Variants in GTF3C1 observed in about 807,000 individuals in gnomAD.
The protein encoded by GTF3C1 is general transcription factor 3C polypeptide 1.
Under a neutral mutation model 226.7 loss-of-function variants are expected in GTF3C1, and 57 were observed. That is an observed-to-expected ratio of 0.25 (90% confidence interval 0.20 to 0.31). GTF3C1 has a LOEUF of 0.31. Among genes scored for constraint, GTF3C1 ranks in the 10% least tolerant of loss-of-function variants. The pLI is 1.00. For missense variants in GTF3C1, 2,217 were observed against 2,776.1 expected (o/e 0.80, Z 4.53); for synonymous variants, 1,090 against 1,084.8 (o/e 1.00, Z -0.09).
chr16:27,473,712 T>A lies in GTF3C1; in HGVS notation c.4354-1792A>T, dbSNP rs768350139. On this transcript the variant is annotated intron_variant, in intron 29 of 36. Coordinates refer to ENST00000356183, the MANE Select transcript of GTF3C1 (RefSeq NM_001520.4). ...GGGCTCTGGGGCAGCACCCAGGTGT[T>A]CCCTGGAGCGTATCTGAATGAAGCC... 2.6e-5 allele frequency among the ~76,000 whole-genome samples: 4 copies of A among 152,300 alleles called. No individual in the cohort carries two copies. The East Asian group carries it at 7.7e-4, about 29-fold the overall frequency.
intron 29 of GTF3C1, among the ~76,000 whole-genome samples, chr16:27,476,208 G>A (rs574264198): frequency 1.8e-4 from 28 of 152,290 alleles, no homozygotes; most frequent in African/African-American, 5.8e-4. Flanking sequence ...TGACTGTGAC[G>A]ATTATTCTGC....
In GTF3C1 at chr16:27,549,882, C is replaced by T. The variant is rs748982012; in HGVS notation, c.9G>A (p.Ala3=). 9.9e-6 allele frequency: 16 copies of T among 1,611,178 alleles called. No homozygotes were observed. The highest frequency in any genetic ancestry group is 3.3e-5 in the South Asian group (3 of 91,028). The change falls in exon 1 of 37, where the codon GCG becomes GCA. Residue 3 remains alanine, a synonymous_variant. Coordinates refer to ENST00000356183, the MANE Select transcript of GTF3C1 (RefSeq NM_001520.4). The part of the protein sequence containing the change: MD[A]LESLLDEVAL... ...CGACTTCGTCCAACAACGACTCCAG[C>T]GCGTCCATTGCTACTTCAGTCGGCG... is the stretch of plus-strand genomic sequence containing the variant.
intron 6 of GTF3C1, among the ~76,000 whole-genome samples, chr16:27,523,463 T>C (rs1267914342): frequency 6.6e-6 from 1 of 152,032 alleles, no homozygotes; most frequent in African/African-American, 2.4e-5. Flanking sequence ...GAGCTTTGTC[T>C]CCTCCATAAT....
At position 27,545,313 on chromosome 16, in the gene GTF3C1, C is replaced by A. The variant is rs763606019; in HGVS notation, c.431+1G>T. 1 of 1,606,436 alleles carries A rather than the reference C, an allele frequency of 6.2e-7. No individual in the cohort carries two copies. Among genetic ancestry groups the A allele is most frequent in the Non-Finnish European group, 8.5e-7 (1 of 1,173,006 alleles). ...AATTTCTGATGGTGCAAAATAGTTA[C>A]CTGTCAAAGGCTTCCACCATTGTAC... On this transcript the variant is annotated splice_donor_variant, in intron 2 of 36. Transcript: ENST00000356183. LOFTEE classifies it high-confidence loss of function.
At chr16:27,524,191 G>A (rs543606162) in intron 6 of GTF3C1, among the ~76,000 whole-genome samples, 6 of 152,330 alleles carry the variant, frequency 3.9e-5, no homozygotes, top group African/African-American at 1.4e-4. Flanking sequence ...GAGCCCCTCC[G>A]AAATGGGGCA....
chr16:27,462,880 G>C lies in GTF3C1; in HGVS notation c.5925-394C>G. The C allele has an allele frequency of 4.5e-6, 1 of 219,856 alleles. No individual in the cohort carries two copies. Among genetic ancestry groups the C allele is most frequent in the Non-Finnish European group, 9.1e-6 (1 of 110,092 alleles). The allele number at this position is 219,856 out of a possible 1,614,324, so 13.6% of individuals were successfully genotyped here. On this transcript the variant is annotated intron_variant, in intron 35 of 36. Transcript: ENST00000356183. The surrounding 1 kb of genome is among the most constrained non-coding windows in gnomAD (Gnocchi z 4.5). ...GAAGCTCTGCTCCACGCCATGTGCA[G>C]AGTTCCAGGCACACTTTCCTCGAAA...
At position 27,542,774 on chromosome 16, in the gene GTF3C1, T is replaced by C. The variant is rs980793995; in HGVS notation, c.431+2540A>G. 2.0e-5 allele frequency among the ~76,000 whole-genome samples: 3 copies of C among 152,316 alleles called. No homozygotes were observed. The East Asian group carries it at 5.8e-4, about 29-fold the overall frequency. Reference sequence around the variant, plus strand: ...GGATGTCCTCCGGGTTTTGCCCCTCTGCACATGTTCACTGTCCCTCGGACC... The same window carrying C: ...GGATGTCCTCCGGGTTTTGCCCCTCCGCACATGTTCACTGTCCCTCGGACC... On this transcript the variant is annotated intron_variant, in intron 2 of 36. Coordinates refer to ENST00000356183, the MANE Select transcript of GTF3C1 (RefSeq NM_001520.4).
chr16:27,469,876 TCCCTGCCCCTC>T lies in GTF3C1; in HGVS notation c.4814+221_4814+231del, dbSNP rs1349188786. Among the ~76,000 whole-genome samples the T allele has an allele frequency of 1.3e-5, 2 of 152,036 alleles. No homozygotes were observed. Among genetic ancestry groups the T allele is most frequent in the African/African-American group, 4.8e-5 (2 of 41,390 alleles). On this transcript the variant is annotated intron_variant, in intron 31 of 36. Coordinates refer to ENST00000356183, the MANE Select transcript of GTF3C1 (RefSeq NM_001520.4). This position sits in a 1 kb window ranked among gnomAD's most constrained non-coding sequence, Gnocchi z 4.5. ...CCTCAGGAACAGTCCTCCCTTCTCT[TCCCTGCCCCTC>T]CCCTGCCCCGCTGTGCTGCGTCCTT...
At chr16:27,483,013 A>G in intron 26 of GTF3C1, 31 bp downstream of exon 26, 1 of 1,593,980 alleles carries the variant, frequency 6.3e-7, no homozygotes, top group Non-Finnish European at 8.6e-7. Flanking sequence ...TCTCCCAAGC[A>G]TACCAAGCCC....
At chr16:27,535,358 A>G (rs1245661660) in intron 4 of GTF3C1, among the ~76,000 whole-genome samples, 1 of 152,178 alleles carries the variant, frequency 6.6e-6, no homozygotes, top group Non-Finnish European at 1.5e-5. Flanking sequence ...GTATCACCTG[A>G]GGTCAGGAGT....
In GTF3C1 at chr16:27,471,837, C is replaced by T; in HGVS notation, c.4437G>A (p.Arg1479=). 1.9e-6 allele frequency: 3 copies of T among 1,614,030 alleles called. No homozygotes were observed. Among genetic ancestry groups the T allele is most frequent in the Middle Eastern group, 1.7e-4 (1 of 6,060 alleles). ...GGCCCAGCGTGTGGTTGACCCGGCG[C>T]CGGTTGACCAAGCTCCTCTTCTGGC... ...MECQKRSLVN[R]RRVNHTLGPK... Residue 1479 remains arginine (R), a synonymous_variant, in exon 30 of 37, where the codon CGG becomes CGA. Transcript: ENST00000356183. This position sits in a 1 kb window ranked among gnomAD's most constrained non-coding sequence, Gnocchi z 5.0.
In GTF3C1 at chr16:27,469,517, C is replaced by T. The variant is rs112367993; in HGVS notation, c.4848G>A (p.Glu1616=). 5.8e-5 allele frequency: 94 copies of T among 1,612,948 alleles called. 1 individual carries two copies. In the African/African-American group the frequency reaches 8.0e-4, roughly 14 times the overall value. Residue 1616 remains glutamate, a synonymous_variant, in exon 32 of 37, where the codon GAG becomes GAA. Coordinates refer to ENST00000356183, the MANE Select transcript of GTF3C1 (RefSeq NM_001520.4). This position sits in a 1 kb window ranked among gnomAD's most constrained non-coding sequence, Gnocchi z 4.5. ...CTTCGTCCAAGTCATCCTCTTCATC[C>T]TCGTCATCCTCCAGGCTGCCGTCCT... ...LGKDGSLEDD[E]DEEDDLDEGV...
intron 15 of GTF3C1, 36 bp downstream of exon 15, chr16:27,495,175 C>G (rs1462511495): frequency 6.5e-7 from 1 of 1,535,284 alleles, no homozygotes; most frequent in African/African-American, 1.4e-5. Context: ...ACTGGGCCTG[C>G]CCGCCCCAGG....
intron 6 of GTF3C1, among the ~76,000 whole-genome samples, chr16:27,514,490 G>A (rs2088626489): frequency 6.6e-6 from 1 of 152,054 alleles, no homozygotes; most frequent in South Asian, 2.1e-4. Flanking sequence ...AGCAGCTGGT[G>A]GTCAACACAC....
At chr16:27,520,259 C>T (rs571097120) in intron 6 of GTF3C1, among the ~76,000 whole-genome samples, 4 of 152,218 alleles carry the variant, frequency 2.6e-5, no homozygotes, top group South Asian at 4.1e-4. Flanking sequence ...GGATTACAGG[C>T]GTGCGCTAAC....
intron 1 of GTF3C1, among the ~76,000 whole-genome samples, chr16:27,546,747 T>C (rs2089170227): frequency 6.6e-6 from 1 of 152,030 alleles, no homozygotes; most frequent in African/African-American, 2.4e-5. Context: ...CCCCTCTGTG[T>C]TATCTGCACC....
Position 27,464,856 on chromosome 16 carries a change from G to T in GTF3C1, c.5356-20C>A. On this transcript the variant is annotated intron_variant, in intron 33 of 36. Coordinates refer to ENST00000356183, the MANE Select transcript of GTF3C1 (RefSeq NM_001520.4). Reference sequence around the variant, plus strand: ...GAGGGCCTGGGGAGGCAGGAGACACGCGGGGTCTGTGGGGAGCTCGGGATC... The same window carrying T: ...GAGGGCCTGGGGAGGCAGGAGACACTCGGGGTCTGTGGGGAGCTCGGGATC... The T allele has an allele frequency of 6.7e-7, 1 of 1,493,540 alleles. No homozygotes were observed. The allele number at this position is 1,493,540 out of a possible 1,614,324, so 92.5% of individuals were successfully genotyped here.
intron 15 of GTF3C1, 103 bp from the exon 16 acceptor site, chr16:27,495,011 A>C: frequency 4.9e-6 from 5 of 1,029,934 alleles, no homozygotes; most frequent in Admixed American, 4.5e-5. Context: ...CTTTACCCCT[A>C]ATTTGAGGAA....
intron 5 of GTF3C1, among the ~76,000 whole-genome samples, chr16:27,530,817 T>C (rs1368451249): frequency 6.6e-5 from 10 of 152,160 alleles, no homozygotes; most frequent in Admixed American, 2.0e-4. Flanking sequence ...GCAGACATGA[T>C]CCCTGCGTCA....
Sources: allele counts gnomAD v4.1 joint callset (sites outside exome capture counted in the v4.1 genomes callset), GRCh38; gene constraint gnomAD v4.1.1; non-coding constraint Gnocchi (gnomAD v3.1); transcripts MANE v1.5; gene names NCBI Gene and HGNC (gene_info 2026-07-23, HGNC 2026-07-21).